Variants in PATJ observed in about 807,000 individuals in gnomAD.
PATJ encodes PATJ crumbs cell polarity complex component.
A neutral mutation model predicts 224.9 loss-of-function variants in PATJ; 190 were observed. The observed-to-expected ratio is 0.84, with a 90% CI of 0.75 to 0.95. The LOEUF (loss-of-function observed/expected upper bound fraction) is 0.95, where lower values mean the gene tolerates loss of function less well. PATJ is among the 40% of genes least tolerant of loss of function. The pLI is 0.00. For missense variants in PATJ, 2,121 were observed against 2,270.3 expected (o/e 0.93, Z 1.34); for synonymous variants, 769 against 820.3 (o/e 0.94, Z 1.07).
At chr1:61,810,989 T>C (rs1654650500) in intron 14 of PATJ, among the ~76,000 whole-genome samples, 1 of 152,182 alleles carries the variant, frequency 6.6e-6, no homozygotes, top group South Asian at 2.1e-4. Flanking sequence ...ACTGATTACA[T>C]GGATTCTAGA....
At chr1:61,947,219 G>T (rs1678876130) in intron 27 of PATJ, among the ~76,000 whole-genome samples, 1 of 152,114 alleles carries the variant, frequency 6.6e-6, no homozygotes. Context: ...TCTGGCCAGG[G>T]CAATCAGGCA....
At chr1:61,802,322 G>A (rs1440906535) in intron 12 of PATJ, among the ~76,000 whole-genome samples, 1 of 152,164 alleles carries the variant, frequency 6.6e-6, no homozygotes, top group Non-Finnish European at 1.5e-5. Flanking sequence ...CAAACTCCTG[G>A]CTTCAAGTGA....
chr1:62,109,744 T>C (rs1415044231), intron 34 of PATJ, among the ~76,000 whole-genome samples: 4 of 152,240 alleles, frequency 2.6e-5, no homozygotes, highest in African/African-American at 9.6e-5. Flanking sequence ...ACTTATATGA[T>C]TTCTAAGTCC....
At chr1:61,855,653 A>G (rs1178673519) in intron 17 of PATJ, among the ~76,000 whole-genome samples, 1 of 152,158 alleles carries the variant, frequency 6.6e-6, no homozygotes, top group Non-Finnish European at 1.5e-5. Context: ...GGCTCAAGCA[A>G]TCCTCCTGCC....
intron 27 of PATJ, among the ~76,000 whole-genome samples, chr1:61,987,065 A>G (rs183616267): frequency 1.3e-4 from 20 of 152,002 alleles, no homozygotes; most frequent in African/African-American, 4.8e-4. Flanking sequence ...TTTTTATTCA[A>G]TTGTGAATAC....
chr1:61,924,069 T>C (rs1018858948), intron 26 of PATJ, among the ~76,000 whole-genome samples: 4 of 151,774 alleles, frequency 2.6e-5, no homozygotes, highest in African/African-American at 9.7e-5. Context: ...GAATAGGCAA[T>C]CAGGATTCAT....
At chr1:62,095,286 A>G (rs935349639) in intron 33 of PATJ, among the ~76,000 whole-genome samples, 1 of 152,230 alleles carries the variant, frequency 6.6e-6, no homozygotes, top group Non-Finnish European at 1.5e-5. Flanking sequence ...CAGGTCCTGC[A>G]TGCTCTTGTG....
At chr1:61,918,309 T>A (rs374362726) in intron 26 of PATJ, among the ~76,000 whole-genome samples, 2,229 of 137,340 alleles carry the variant, frequency 0.016, 17 homozygotes, top group Non-Finnish European at 0.026. Flanking sequence ...TGTGTATTCT[T>A]TTTTTTTTTT....
chr1:61,959,432 T>C (rs796566033), intron 27 of PATJ, among the ~76,000 whole-genome samples: 1 of 118,138 alleles, frequency 8.5e-6, no homozygotes, highest in Non-Finnish European at 1.7e-5. Context: ...TATATTTTTT[T>C]TCTTTTCTTT....
At chr1:61,783,746 T>C (rs1647893080) in intron 7 of PATJ, among the ~76,000 whole-genome samples, 1 of 6,654 alleles carries the variant, frequency 1.5e-4, no homozygotes, top group Non-Finnish European at 4.4e-4. Context: ...GAGTTGCTAC[T>C]TTTTTTTTTT....
intron 7 of PATJ, among the ~76,000 whole-genome samples, chr1:61,780,035 C>G (rs891684451): frequency 1.3e-5 from 2 of 152,200 alleles, no homozygotes; most frequent in African/African-American, 4.8e-5. Context: ...CCCCATGACC[C>G]AAACACCTCC....
In PATJ at chr1:62,003,292, G is replaced by A. The variant is rs548835835; in HGVS notation, c.3867+12928G>A. Among the ~76,000 whole-genome samples the A allele has an allele frequency of 1.2e-4, 19 of 152,212 alleles. No homozygotes were observed. In the South Asian group the frequency reaches 3.5e-3, roughly 28 times the overall value. ...CAGAAACATATTTCTCTATTTTCTC[G>A]AAGTCAGTATTTTTCAAAAACATGT... On this transcript the variant is annotated intron_variant, in intron 28 of 43. Coordinates refer to ENST00000642238, the MANE Select transcript of PATJ (RefSeq NM_001350145.3).
chr1:62,088,380 T>A (rs1346362325), intron 33 of PATJ, among the ~76,000 whole-genome samples: 1 of 152,158 alleles, frequency 6.6e-6, no homozygotes, highest in Non-Finnish European at 1.5e-5. Flanking sequence ...CCTGCTCCCC[T>A]GAATTTGCTC....
intron 14 of PATJ, among the ~76,000 whole-genome samples, chr1:61,814,130 CTTTTTTTT>C (rs762502160): frequency 2.3e-5 from 2 of 85,900 alleles, no homozygotes; most frequent in Non-Finnish European, 2.1e-5. Flanking sequence ...TTATTCTCTT[CTTTTTTTT>C]TTTTTTTTTT....
At chr1:62,077,298 T>C (rs775968195) in intron 31 of PATJ, among the ~76,000 whole-genome samples, 17 of 152,190 alleles carry the variant, frequency 1.1e-4, no homozygotes, top group Non-Finnish European at 2.1e-4. Context: ...TGTTGTTTTC[T>C]TATAGTAACC....
intron 31 of PATJ, chr1:62,073,248 A>G (rs1657743679): frequency 2.0e-6 from 2 of 985,180 alleles, no homozygotes; most frequent in African/African-American, 1.7e-5. Context: ...TCAAGCCACA[A>G]CTGTATCATT....
At chr1:61,998,757 C>T (rs924717660) in intron 28 of PATJ, among the ~76,000 whole-genome samples, 2 of 152,256 alleles carry the variant, frequency 1.3e-5, no homozygotes, top group East Asian at 1.9e-4. Flanking sequence ...AAACCTAGTT[C>T]GTATCGGTTG....
At chr1:62,023,215 A>T (rs1647186924) in intron 29 of PATJ, among the ~76,000 whole-genome samples, 1 of 151,400 alleles carries the variant, frequency 6.6e-6, no homozygotes, top group Non-Finnish European at 1.5e-5. Context: ...ACTTGAACCC[A>T]GGAGGTGGAG....
intron 3 of PATJ, among the ~76,000 whole-genome samples, chr1:61,764,179 A>G (rs1182647550): frequency 6.6e-6 from 1 of 152,178 alleles, no homozygotes; most frequent in Non-Finnish European, 1.5e-5. Flanking sequence ...TCTAACAAGA[A>G]GTGATCATGC....
Sources: gnomAD v4.1 joint callset for allele counts (sites outside exome capture counted in the v4.1 genomes callset) on GRCh38, gnomAD v4.1.1 for gene constraint, MANE v1.5 for transcripts, NCBI Gene and HGNC (gene_info 2026-07-23, HGNC 2026-07-21) for gene names.